EIF4E3: variants seen among roughly 807,000 people sequenced by gnomAD.
EIF4E3 encodes eukaryotic translation initiation factor 4E type 3.
A neutral mutation model predicts 31.7 loss-of-function variants in EIF4E3; 26 were observed. The observed-to-expected ratio is 0.82, with a 90% confidence interval of 0.60 to 1.14. EIF4E3 has a LOEUF of 1.14. EIF4E3 is among the 50% of genes most tolerant of loss of function. EIF4E3 has a pLI of 0.00. For synonymous variants in EIF4E3, 128 were observed against 107.7 expected (o/e 1.19, Z -1.17); for missense variants, 304 against 270.9 (o/e 1.12, Z -0.86).
intron 1 of EIF4E3, among the ~76,000 whole-genome samples, chr3:71,748,698 G>C (rs2049897273): frequency 6.6e-6 from 1 of 151,976 alleles, no homozygotes; most frequent in Non-Finnish European, 1.5e-5. Context: ...ATATGAGAAG[G>C]GACACCCCAC....
chr3:71,745,457 A>T (rs1302521165), intron 1 of EIF4E3, among the ~76,000 whole-genome samples: 1 of 152,222 alleles, frequency 6.6e-6, no homozygotes, highest in Non-Finnish European at 1.5e-5. Context: ...CATAGTTCAG[A>T]ACATTTTATA....
intron 1 of EIF4E3, among the ~76,000 whole-genome samples, 169 bp from the exon 2 acceptor site, chr3:71,710,653 T>C (rs1460426701): frequency 1.3e-5 from 2 of 152,208 alleles, no homozygotes; most frequent in African/African-American, 4.8e-5. Flanking sequence ...CCCTACTTTG[T>C]GAAGTCATGT....
intron 1 of EIF4E3, among the ~76,000 whole-genome samples, chr3:71,716,423 CG>C (rs1175087796): frequency 2.0e-5 from 3 of 152,068 alleles, no homozygotes; most frequent in Non-Finnish European, 2.9e-5. Context: ...TTAGTAGAGA[CG>C]GGGTTTCACC....
intron 3 of EIF4E3, among the ~76,000 whole-genome samples, chr3:71,697,543 A>G (rs1436773975): frequency 1.3e-5 from 2 of 151,826 alleles, no homozygotes; most frequent in African/African-American, 4.8e-5. Context: ...GTACCCATTA[A>G]CCATCCCCTG....
At chr3:71,696,040 G>A (rs570638917) in intron 4 of EIF4E3, among the ~76,000 whole-genome samples, 5 of 152,316 alleles carry the variant, frequency 3.3e-5, no homozygotes, top group South Asian at 4.1e-4. Context: ...TATTCTCTGT[G>A]ACATGGTCAT....
At chr3:71,697,338 T>C (rs1327269673) in intron 3 of EIF4E3, among the ~76,000 whole-genome samples, 2 of 152,210 alleles carry the variant, frequency 1.3e-5, no homozygotes, top group Admixed American at 1.3e-4. Flanking sequence ...GATATTTTGA[T>C]ACATGCATAC....
intron 1 of EIF4E3, among the ~76,000 whole-genome samples, chr3:71,713,980 G>A (rs954483018): frequency 6.6e-6 from 1 of 152,030 alleles, no homozygotes; most frequent in Non-Finnish European, 1.5e-5. Flanking sequence ...GGAGGCCGAG[G>A]CAGTTGGATC....
intron 5 of EIF4E3, among the ~76,000 whole-genome samples, chr3:71,693,674 A>G (rs1446405253): frequency 1.3e-5 from 2 of 152,246 alleles, no homozygotes; most frequent in African/African-American, 2.4e-5. Flanking sequence ...ACATATGTAA[A>G]TATGCATATG....
intron 1 of EIF4E3, among the ~76,000 whole-genome samples, chr3:71,722,793 G>C (rs2049571666): frequency 6.6e-6 from 1 of 152,226 alleles, no homozygotes; most frequent in Non-Finnish European, 1.5e-5. Flanking sequence ...GGTATGGGGA[G>C]GGGTTGGTAG....
At chr3:71,746,473 C>G (rs958715313) in intron 1 of EIF4E3, among the ~76,000 whole-genome samples, 1 of 152,188 alleles carries the variant, frequency 6.6e-6, no homozygotes, top group Non-Finnish European at 1.5e-5. Flanking sequence ...AATCCTTATG[C>G]ACATGATCAT....
chr3:71,725,493 GC>G, upstream of EIF4E3: 1 of 343,824 alleles, frequency 2.9e-6, no homozygotes, highest in Non-Finnish European at 3.9e-6. This position sits in a 1 kb window ranked among gnomAD's most constrained non-coding sequence, Gnocchi z 6.1. Flanking sequence ...GCCGCCCGCC[GC>G]CCGCCGCCCG....
chr3:71,746,107 C>T (rs931015915), intron 1 of EIF4E3, among the ~76,000 whole-genome samples: 2 of 152,124 alleles, frequency 1.3e-5, no homozygotes, highest in East Asian at 1.9e-4. Context: ...ATATATTAGT[C>T]GACAAAGCTT....
intron 1 of EIF4E3, among the ~76,000 whole-genome samples, chr3:71,744,883 A>G (rs2049855511): frequency 6.6e-6 from 1 of 152,236 alleles, no homozygotes; most frequent in Non-Finnish European, 1.5e-5. Flanking sequence ...GAAGTCTCAC[A>G]GGGAGAGAAG....
chr3:71,684,597 GC>G lies in EIF4E3; in HGVS notation c.*84del. 6.5e-7 allele frequency: 1 copy of G among 1,549,082 alleles called. No individual in the cohort carries two copies. The highest frequency in any genetic ancestry group is 8.9e-7 in the Non-Finnish European group (1 of 1,126,266). ...TCTAAATTGACCAGCATCGGCTTCGGCAAGTCTTCTCTTCACTCTCCCTCCT... is the reference window on the plus strand; with the variant it reads ...TCTAAATTGACCAGCATCGGCTTCGGAAGTCTTCTCTTCACTCTCCCTCCT... On this transcript the variant is annotated 3_prime_UTR_variant, in exon 7 of 7. Coordinates refer to ENST00000425534, the MANE Select transcript of EIF4E3 (RefSeq NM_001134651.2).
intron 1 of EIF4E3, among the ~76,000 whole-genome samples, chr3:71,720,398 T>A (rs930919970): frequency 6.6e-6 from 1 of 152,050 alleles, no homozygotes; most frequent in Non-Finnish European, 1.5e-5. Flanking sequence ...TATTGCTATG[T>A]TGCCTAGGCT....
At chr3:71,746,884 T>C (rs2049879030) in intron 1 of EIF4E3, among the ~76,000 whole-genome samples, 1 of 152,250 alleles carries the variant, frequency 6.6e-6, no homozygotes, top group African/African-American at 2.4e-5. Flanking sequence ...TTGTACAATA[T>C]GTGGTCTTTC....
chr3:71,699,467 C>A (rs1055030027), intron 3 of EIF4E3, 147 bp downstream of exon 3: 8 of 728,176 alleles, frequency 1.1e-5, no homozygotes, highest in Admixed American at 8.8e-5. Context: ...AAGGAGGACA[C>A]TTACCCCCAG....
At chr3:71,694,756 C>T (rs1047869712) in intron 4 of EIF4E3, among the ~76,000 whole-genome samples, 2 of 152,138 alleles carry the variant, frequency 1.3e-5, no homozygotes, top group African/African-American at 4.8e-5. Flanking sequence ...GGGTTAACAA[C>T]CTCTCTGGTC....
rs556822447 is a variant in EIF4E3, at chr3:71,744,750, A to T, written c.-291+8713T>A. Among the ~76,000 whole-genome samples the T allele has an allele frequency of 6.6e-5, 10 of 152,334 alleles. No homozygotes were observed. In the East Asian group the frequency reaches 9.6e-4, roughly 15 times the overall value. On this transcript the variant is annotated intron_variant, in intron 1 of 7. Coordinates refer to the EIF4E3 transcript ENST00000295612. ...ACAGAGCGAGACTCCGTCTCAAAAA[A>T]ATATATATATTTACGTCCAAAGCAG... is the stretch of plus-strand genomic sequence containing the variant.
Sources: gnomAD v4.1 joint callset for allele counts (sites outside exome capture counted in the v4.1 genomes callset) on GRCh38, gnomAD v4.1.1 for gene constraint, Gnocchi (gnomAD v3.1) non-coding constraint, MANE v1.5 for transcripts, NCBI Gene and HGNC (gene_info 2026-07-23, HGNC 2026-07-21) for gene names.